Variants in GRID1 observed in about 807,000 individuals in gnomAD.
GRID1 encodes glutamate ionotropic receptor delta type subunit 1.
Under a neutral mutation model 98.0 loss-of-function variants are expected in GRID1, and 28 were observed. The ratio of observed to expected loss-of-function variants is 0.29; its 90% confidence interval spans 0.21 to 0.39. The LOEUF (loss-of-function observed/expected upper bound fraction) is 0.39, where lower values mean the gene tolerates loss of function less well. Among genes scored for constraint, GRID1 ranks in the 10% least tolerant of loss-of-function variants. The pLI is 1.00. For synonymous variants in GRID1, 553 were observed against 538.5 expected, an observed-to-expected ratio of 1.03 and a Z score of -0.37; for missense variants, 1,111 against 1,340.5, an observed-to-expected ratio of 0.83 and a Z score of 2.67.
chr10:85,865,798 T>C (rs1564613180), intron 6 of GRID1, among the ~76,000 whole-genome samples: 1 of 151,260 alleles, frequency 6.6e-6, no homozygotes, highest in Non-Finnish European at 1.5e-5. Flanking sequence ...CAAGTAGTTG[T>C]TGGGCAGGAT....
At chr10:86,164,288 G>A (rs1431430236) in intron 3 of GRID1, among the ~76,000 whole-genome samples, 1 of 152,172 alleles carries the variant, frequency 6.6e-6, no homozygotes, top group African/African-American at 2.4e-5. Context: ...GGAAAGAGAG[G>A]TTCAGAACCA....
At chr10:86,142,065 A>G (rs1845018971) in intron 3 of GRID1, among the ~76,000 whole-genome samples, 1 of 152,210 alleles carries the variant, frequency 6.6e-6, no homozygotes, top group Non-Finnish European at 1.5e-5. Flanking sequence ...TCCACTCTTG[A>G]ACCATGCCAC....
At chr10:86,110,603 C>T (rs1161867365) in intron 4 of GRID1, among the ~76,000 whole-genome samples, 1 of 152,172 alleles carries the variant, frequency 6.6e-6, no homozygotes, top group Non-Finnish European at 1.5e-5. Flanking sequence ...CTGAGATGGC[C>T]ATCCCAGGAC....
chr10:86,184,461 C>CTTTTTT (rs1198471392), intron 3 of GRID1, among the ~76,000 whole-genome samples: 40 of 123,038 alleles, frequency 3.3e-4, no homozygotes, highest in South Asian at 5.3e-4. Flanking sequence ...TTTCTTTTTT[C>CTTTTTT]TTTTTTTTTT....
chr10:86,042,506 G>A (rs1843360906), intron 4 of GRID1, among the ~76,000 whole-genome samples: 1 of 152,180 alleles, frequency 6.6e-6, no homozygotes, highest in African/African-American at 2.4e-5. Context: ...GGGCTCTGTG[G>A]GCATCAACTG....
At chr10:85,737,664 ATATATATAT>A (rs1841897902) in intron 8 of GRID1, among the ~76,000 whole-genome samples, 2 of 133,852 alleles carry the variant, frequency 1.5e-5, no homozygotes, top group Admixed American at 7.7e-5. Context: ...ATATATATAT[ATATATATAT>A]AAACATATAT....
intron 8 of GRID1, among the ~76,000 whole-genome samples, chr10:85,820,601 G>C (rs1340145002): frequency 6.6e-6 from 1 of 152,120 alleles, no homozygotes; most frequent in Admixed American, 6.5e-5. Context: ...TATTGTGTGA[G>C]ATGTTAAAAA....
At chr10:86,066,747 T>C (rs1300504813) in intron 4 of GRID1, among the ~76,000 whole-genome samples, 2 of 152,200 alleles carry the variant, frequency 1.3e-5, no homozygotes, top group Non-Finnish European at 2.9e-5. Flanking sequence ...TTGCCTAAGT[T>C]AGGAGGCTCT....
chr10:85,992,865 G>A (rs1053298204), intron 4 of GRID1, among the ~76,000 whole-genome samples: 1 of 152,068 alleles, frequency 6.6e-6, no homozygotes, highest in South Asian at 2.1e-4. Context: ...GATGCAGTAG[G>A]ACTGCTTGAG....
At position 86,034,949 on chromosome 10, in the gene GRID1, G is replaced by GATGGATGGATGGATGC. The variant is rs879670441; in HGVS notation, c.726+103869_726+103870insGCATCCATCCATCCAT. Among the ~76,000 whole-genome samples, 54 of 151,598 alleles carry GATGGATGGATGGATGC rather than the reference G, an allele frequency of 3.6e-4. 1 individual carries two copies. The highest frequency in any genetic ancestry group is 5.6e-4 in the African/African-American group (23 of 41,210). The stretch of plus-strand genomic sequence containing the variant: ...GGATGGATGGATGGATGGATGGATG[G>GATGGATGGATGGATGC]ATGGATAGATGGTTGGATGGATGGA... On this transcript the variant is annotated intron_variant, in intron 4 of 15. Coordinates refer to ENST00000327946, the MANE Select transcript of GRID1 (RefSeq NM_017551.3).
chr10:85,740,483 T>C (rs573439653), intron 8 of GRID1, among the ~76,000 whole-genome samples: 3 of 152,228 alleles, frequency 2.0e-5, no homozygotes, highest in East Asian at 1.9e-4. Flanking sequence ...AGTTCTTACA[T>C]AGAAAAAAGT....
intron 4 of GRID1, among the ~76,000 whole-genome samples, chr10:86,123,957 T>C (rs1844715288): frequency 6.6e-6 from 1 of 152,108 alleles, no homozygotes; most frequent in Non-Finnish European, 1.5e-5. Flanking sequence ...GCGGCCTGAG[T>C]GCAGGGAGCC....
chr10:85,707,689 A>G (rs535729084), intron 12 of GRID1, among the ~76,000 whole-genome samples: 2 of 152,328 alleles, frequency 1.3e-5, no homozygotes, highest in African/African-American at 4.8e-5. Flanking sequence ...CACTATTCAC[A>G]ATAGCAAAGA....
chr10:86,235,237 G>A (rs1050755030), intron 2 of GRID1, among the ~76,000 whole-genome samples: 2 of 152,154 alleles, frequency 1.3e-5, no homozygotes, highest in African/African-American at 4.8e-5. Context: ...CTCCCACATT[G>A]CAGAGGGCAG....
chr10:85,941,018 G>A (rs951064999), intron 4 of GRID1, among the ~76,000 whole-genome samples: 7 of 152,180 alleles, frequency 4.6e-5, no homozygotes, highest in Admixed American at 4.6e-4. Context: ...GGGGAGACTG[G>A]AGAAGAATTG....
chr10:86,326,465 G>A (rs1336659848), intron 2 of GRID1, among the ~76,000 whole-genome samples: 3 of 152,202 alleles, frequency 2.0e-5, no homozygotes, highest in South Asian at 2.1e-4. Context: ...TTGAAGAAGG[G>A]TAAAACGGTC....
chr10:86,315,432 A>AG (rs1847884707), intron 2 of GRID1, among the ~76,000 whole-genome samples: 1 of 152,186 alleles, frequency 6.6e-6, no homozygotes. Flanking sequence ...TGGCCCAGGA[A>AG]GGGGGCTGGG....
At chr10:86,120,129 CCTCTAGCAT>C (rs1191919125) in intron 4 of GRID1, among the ~76,000 whole-genome samples, 1 of 152,150 alleles carries the variant, frequency 6.6e-6, no homozygotes, top group East Asian at 1.9e-4. Context: ...CTGATTCTAG[CCTCTAGCAT>C]GGCATATAGA....
intron 4 of GRID1, among the ~76,000 whole-genome samples, chr10:86,088,504 G>A (rs531396962): frequency 1.9e-4 from 29 of 152,270 alleles, no homozygotes; most frequent in African/African-American, 7.0e-4. Context: ...CAGCTGTCAC[G>A]TCCCAGAGAG....
Sources: gnomAD v4.1 joint callset for allele counts (sites outside exome capture counted in the v4.1 genomes callset) on GRCh38, gnomAD v4.1.1 for gene constraint, MANE v1.5 for transcripts, NCBI Gene and HGNC (gene_info 2026-07-23, HGNC 2026-07-21) for gene names.